The following RHD variants were observed in gnomAD, a reference collection of about 807,000 sequenced individuals.
The protein encoded by RHD is blood group Rh(D) polypeptide.
A neutral mutation model predicts 45.5 loss-of-function variants in RHD; 16 were observed. That is an observed-to-expected ratio of 0.35 (90% CI 0.24 to 0.53). The LOEUF is 0.53. Ranked by LOEUF, RHD falls within the 20% of genes least tolerant of loss-of-function variation. The pLI is 0.92. For missense variants in RHD, 306 were observed against 532.0 expected (o/e 0.58, Z 4.18); for synonymous variants, 131 against 217.5 (o/e 0.60, Z 3.50).
chr1:25,315,765 G>A (rs1387497629), intron 7 of RHD, among the ~76,000 whole-genome samples: 1 of 129,908 alleles, frequency 7.7e-6, no homozygotes, highest in African/African-American at 2.7e-5. Context: ...CAAAGTGTGG[G>A]GATTACAGGT....
At chr1:25,310,200 C>T (rs1644066385) in intron 7 of RHD, among the ~76,000 whole-genome samples, 1 of 132,804 alleles carries the variant, frequency 7.5e-6, no homozygotes, top group Admixed American at 7.3e-5. Flanking sequence ...TGAATGTGTC[C>T]CCCAAATTTC....
intron 6 of RHD, among the ~76,000 whole-genome samples, chr1:25,306,191 G>A (rs1296156202): frequency 1.5e-5 from 2 of 131,758 alleles, no homozygotes; most frequent in African/African-American, 2.6e-5. Context: ...TGGGGTGAGG[G>A]CTGCTACTGG....
At chr1:25,310,205 A>G (rs868283802) in intron 7 of RHD, among the ~76,000 whole-genome samples, 9 of 132,952 alleles carry the variant, frequency 6.8e-5, no homozygotes, top group African/African-American at 2.3e-4. Flanking sequence ...GTGTCCCCCA[A>G]ATTTCATGTG....
chr1:25,308,403 C>T (rs1801096), intron 7 of RHD, among the ~76,000 whole-genome samples: 109,374 of 117,542 alleles, frequency 0.93, 52,304 homozygotes, highest in Non-Finnish European at 1. Flanking sequence ...CATGTTTGAA[C>T]AAGCCCCACA....
chr1:25,290,226 C>A (rs1642369056), intron 2 of RHD, among the ~76,000 whole-genome samples: 1 of 128,440 alleles, frequency 7.8e-6, no homozygotes, highest in Non-Finnish European at 1.8e-5. Context: ...GTGGGCAGGC[C>A]TGCGGGGGAA....
At chr1:25,320,291 G>A (rs1209755168) in intron 8 of RHD, among the ~76,000 whole-genome samples, 4 of 131,912 alleles carry the variant, frequency 3.0e-5, no homozygotes, top group South Asian at 4.7e-4. Flanking sequence ...CCTTTTCCAC[G>A]TTATATGGCA....
chr1:25,310,913 C>T (rs1644106986), intron 7 of RHD, among the ~76,000 whole-genome samples: 1 of 126,182 alleles, frequency 7.9e-6, no homozygotes, highest in Admixed American at 7.7e-5. Flanking sequence ...GCAGAGGTTG[C>T]AGTGAGCTGA....
chr1:25,315,574 G>C (rs1418191087), intron 7 of RHD, among the ~76,000 whole-genome samples: 2 of 121,248 alleles, frequency 1.6e-5, no homozygotes, highest in African/African-American at 2.9e-5. Context: ...TCAGCTCACT[G>C]CAAACTCCAC....
chr1:25,286,909 A>C (rs201375549), intron 2 of RHD, among the ~76,000 whole-genome samples: 2 of 134,488 alleles, frequency 1.5e-5, no homozygotes, highest in East Asian at 3.9e-4. Flanking sequence ...CCTGAGCAAC[A>C]TGGTGAAATC....
chr1:25,276,269 T>C (rs1640949107), intron 1 of RHD, among the ~76,000 whole-genome samples: 2 of 130,364 alleles, frequency 1.5e-5, no homozygotes, highest in African/African-American at 5.3e-5. Context: ...TTTGCTTTTA[T>C]GCCAGAAAAA....
At chr1:25,281,350 C>T (rs1475513411) in intron 1 of RHD, among the ~76,000 whole-genome samples, 1 of 130,868 alleles carries the variant, frequency 7.6e-6, no homozygotes, top group Non-Finnish European at 1.8e-5. Context: ...CTCACAGGCT[C>T]TCTCTGGTCC....
chr1:25,277,041 T>G (rs1380947865), intron 1 of RHD, among the ~76,000 whole-genome samples: 1 of 132,130 alleles, frequency 7.6e-6, no homozygotes, highest in African/African-American at 2.6e-5. Context: ...CACTCCAGCC[T>G]GGGCAACAGA....
chr1:25,300,952 T>A lies in RHD; in HGVS notation c.493T>A (p.Tyr165Asn), dbSNP rs1375964449. Residue 165 changes from tyrosine to asparagine, a missense_variant, in exon 4 of 10, where the codon TAC becomes AAC. Physicochemically the swap from Tyr to Asn is moderately radical, Grantham distance 143. Coordinates refer to ENST00000328664, the MANE Select transcript of RHD (RefSeq NM_016124.6). Reference protein sequence around the residue: ...MVISNIFNTDYHMNMMHIYVF... With the variant: ...MVISNIFNTDNHMNMMHIYVF... ...TTACTGGGTTTTATTGCAGACAGAC[T>A]ACCACATGAACATGATGCACATCTA... The A allele has an allele frequency of 1.5e-6, 2 of 1,378,424 alleles. No individual in the cohort carries two copies. The highest frequency in any genetic ancestry group is 1.4e-5 in the African/African-American group (1 of 70,422). 85.4% of individuals were successfully genotyped at this position (1,378,424 alleles called of 1,614,324 possible).
At chr1:25,307,757 C>T in intron 7 of RHD, 1 of 1,305,712 alleles carries the variant, frequency 7.7e-7, no homozygotes, top group Middle Eastern at 1.8e-4. Flanking sequence ...CCTACCGGTT[C>T]TTGGATGCCT....
Position 25,292,018 on chromosome 1 carries a change from T to G in RHD, c.486+1227T>G, listed in dbSNP as rs761972740. Among the ~76,000 whole-genome samples the G allele has an allele frequency of 2.6e-4, 34 of 131,536 alleles. 8 individuals are homozygous for G. The highest frequency in any genetic ancestry group is 4.7e-4 in the South Asian group (2 of 4,300). The allele number at this position is 131,536 out of a possible 152,430, so 86.3% of individuals were successfully genotyped here. A position where few individuals can be genotyped will look rare whatever the true frequency, so the allele number is the denominator to read the frequency against. ...TGGACTTGGAGTCAAAGGCTGGGGT[T>G]TGCATCCCAGCTCTGCCATAAATCC... On this transcript the variant is annotated intron_variant, in intron 3 of 9. Transcript: ENST00000328664.
chr1:25,303,056 T>A (rs1414770613), intron 5 of RHD, among the ~76,000 whole-genome samples: 2 of 131,702 alleles, frequency 1.5e-5, no homozygotes, highest in East Asian at 3.9e-4. Flanking sequence ...CCTAGGATGC[T>A]GAGCACCTGG....
chr1:25,311,482 G>A lies in RHD; in HGVS notation c.1073+4753G>A, dbSNP rs1263453644. On this transcript the variant is annotated intron_variant, in intron 7 of 9. Transcript: ENST00000328664. The stretch of plus-strand genomic sequence containing the variant: ...AGAGCTTGCAGTGAGCCAAGATCGC[G>A]CCACTGCACTCCAGCCTGGGCGACA... Among the ~76,000 whole-genome samples, 8 of 129,650 alleles carry A rather than the reference G, an allele frequency of 6.2e-5. 3 individuals are homozygous for A. Among genetic ancestry groups the A allele is most frequent in the Admixed American group, 3.0e-4 (4 of 13,336 alleles). The allele number at this position is 129,650 out of a possible 152,430, so 85.1% of individuals were successfully genotyped here.
chr1:25,302,184 T>C lies in RHD; in HGVS notation c.801+498T>C, dbSNP rs183898512. Reference sequence around the variant, plus strand: ...AAAGTGGGAATTAAGAGATGGTGCATGTAAAGTGCTTAACGGGGAGTAAAT... The same window carrying C: ...AAAGTGGGAATTAAGAGATGGTGCACGTAAAGTGCTTAACGGGGAGTAAAT... On this transcript the variant is annotated intron_variant, in intron 5 of 9. Transcript: ENST00000328664. Among the ~76,000 whole-genome samples the C allele has an allele frequency of 9.1e-5, 12 of 131,640 alleles. 2 individuals carry two copies. Among genetic ancestry groups the C allele is most frequent in the Non-Finnish European group, 2.0e-4 (11 of 55,744 alleles). 86.4% of individuals were successfully genotyped at this position (131,640 alleles called of 152,430 possible).
intron 2 of RHD, among the ~76,000 whole-genome samples, chr1:25,287,838 C>T (rs144312559): frequency 0.024 from 2,012 of 85,292 alleles, 297 homozygotes; most frequent in African/African-American, 0.055. Context: ...CCTCCCACCT[C>T]AGCCTCCTGA....
Sources: allele counts gnomAD v4.1 joint callset (sites outside exome capture counted in the v4.1 genomes callset), GRCh38; gene constraint gnomAD v4.1.1; transcripts MANE v1.5; gene names NCBI Gene and HGNC (gene_info 2026-07-23, HGNC 2026-07-21).